Variants in ALMS1 observed in about 807,000 individuals in gnomAD.
The protein encoded by ALMS1 is ALMS1 centrosome and basal body associated protein.
ALMS1 carries 271 observed loss-of-function variants against 352.2 expected under a neutral mutation model. That is an observed-to-expected ratio of 0.77 (90% CI 0.70 to 0.85). The LOEUF is 0.85. Among genes scored for constraint, ALMS1 ranks in the 40% least tolerant of loss-of-function variants. The pLI, the probability that ALMS1 is intolerant of heterozygous loss-of-function variation, is 0.00. For synonymous variants in ALMS1, 1,865 were observed against 1,761.2 expected, an observed-to-expected ratio of 1.06 and a Z score of -1.48; for missense variants, 5,445 against 4,870.7, an observed-to-expected ratio of 1.12 and a Z score of -3.51.
At chr2:73,437,179 A>G (rs1325096784) in intron 7 of ALMS1, among the ~76,000 whole-genome samples, 1 of 151,714 alleles carries the variant, frequency 6.6e-6, no homozygotes, top group African/African-American at 2.4e-5. Flanking sequence ...CCTTATGGAG[A>G]TGTGTGGAGC....
At chr2:73,501,855 T>C (rs1056861260) in intron 10 of ALMS1, among the ~76,000 whole-genome samples, 2 of 152,256 alleles carry the variant, frequency 1.3e-5, no homozygotes, top group East Asian at 3.9e-4. Flanking sequence ...ATCAATTTTG[T>C]AGATTGACAT....
chr2:73,449,617 A>T lies in ALMS1; in HGVS notation c.3090A>T (p.Ser1030=), dbSNP rs1468645475. Residue 1030 remains serine, a synonymous_variant, in exon 8 of 23, where the codon TCA becomes TCT. Coordinates refer to ENST00000613296, the MANE Select transcript of ALMS1 (RefSeq NM_001378454.1). ...SYATEKALKV[S]TGPGPADQKT... ...CAACTGAAAAGGCTCTGAAAGTTTC[A>T]ACTGGCCCTGGACCAGCTGACCAGA... 1.2e-6 allele frequency: 2 copies of T among 1,614,102 alleles called. No individual in the cohort carries two copies. Among genetic ancestry groups the T allele is most frequent in the Non-Finnish European group, 1.7e-6 (2 of 1,179,982 alleles).
intron 14 of ALMS1, 39 bp downstream of exon 14, chr2:73,557,393 G>T (rs375539835): frequency 1.2e-6 from 2 of 1,613,168 alleles, no homozygotes; most frequent in Non-Finnish European, 1.7e-6. Flanking sequence ...TTTTCTTCTG[G>T]TCTTCTAAAA....
At chr2:73,386,307 T>G in intron 1 of ALMS1, 115 bp downstream of exon 1, 1 of 1,374,490 alleles carries the variant, frequency 7.3e-7, no homozygotes, top group Non-Finnish European at 9.5e-7. Context: ...CGCGCGCAGC[T>G]GAGGCTAGTA....
intron 9 of ALMS1, among the ~76,000 whole-genome samples, chr2:73,485,146 G>A (rs200254913): frequency 8.4e-3 from 1,028 of 122,932 alleles, no homozygotes; most frequent in South Asian, 0.014. Context: ...AGGAGGAGAG[G>A]TGCTCTGCTT....
In ALMS1 at chr2:73,572,984, G is replaced by T; in HGVS notation, c.11107G>T (p.Ala3703Ser). The change falls in exon 16 of 23, where the codon GCT becomes TCT. Residue 3703 changes from alanine (A) to serine (S), a missense_variant. Transcript: ENST00000613296. The stretch of plus-strand genomic sequence containing the variant: ...AAGCAAGGTGCTTTCTCATCATCGA[G>T]CTGGGAGGTCTAATCAAATTAAAAT... Reference protein sequence around the residue: ...KKSKVLSHHRAGRSNQIKIEQ... With the variant: ...KKSKVLSHHRSGRSNQIKIEQ... The T allele has an allele frequency of 8.7e-6, 14 of 1,614,092 alleles. No individual in the cohort carries two copies. Among genetic ancestry groups the T allele is most frequent in the Non-Finnish European group, 1.2e-5 (14 of 1,180,006 alleles).
rs111559461 is a variant in ALMS1 at position 73,474,403 on chromosome 2, G to GTA, written c.7675-15230_7675-15229insAT. Among the ~76,000 whole-genome samples the GTA allele has an allele frequency of 4.0e-5, 4 of 99,390 alleles. No individual in the cohort carries two copies. The East Asian group carries it at 1.3e-3, about 33-fold the overall frequency. 65.2% of individuals were successfully genotyped at this position (99,390 alleles called of 152,430 possible). ...TGTGTGTGTGTGTGTGTGTGTGTGT[G>GTA]TGTGTGTCTATTGGTTTACATGACG... On this transcript the variant is annotated intron_variant, in intron 9 of 22. Coordinates refer to ENST00000613296, the MANE Select transcript of ALMS1 (RefSeq NM_001378454.1).
At chr2:73,436,811 T>C (rs1026194277) in intron 7 of ALMS1, among the ~76,000 whole-genome samples, 3 of 152,246 alleles carry the variant, frequency 2.0e-5, no homozygotes, top group African/African-American at 4.8e-5. Context: ...AGCATCCTTT[T>C]CTTCCCTTTG....
intron 12 of ALMS1, among the ~76,000 whole-genome samples, chr2:73,546,032 T>C (rs1674310762): frequency 6.6e-6 from 1 of 152,182 alleles, no homozygotes; most frequent in Non-Finnish European, 1.5e-5. Context: ...AGTGCTATGT[T>C]ACAAGCTTGG....
intron 9 of ALMS1, among the ~76,000 whole-genome samples, chr2:73,480,785 G>A (rs1391676606): frequency 4.0e-5 from 6 of 150,962 alleles, no homozygotes; most frequent in Non-Finnish European, 4.4e-5. Context: ...GTGTGAGATG[G>A]TATCTCATTG....
At chr2:73,515,224 A>G (rs1673531023) in intron 10 of ALMS1, among the ~76,000 whole-genome samples, 1 of 152,130 alleles carries the variant, frequency 6.6e-6, no homozygotes, top group Admixed American at 6.5e-5. Context: ...CAGATTTTAG[A>G]TAATGTATTT....
intron 12 of ALMS1, among the ~76,000 whole-genome samples, chr2:73,543,521 C>T (rs1674240228): frequency 6.6e-6 from 1 of 152,130 alleles, no homozygotes; most frequent in South Asian, 2.1e-4. Context: ...CAAATGGGAT[C>T]TAATTAAACT....
chr2:73,575,279 G>C (rs752943428), intron 16 of ALMS1, among the ~76,000 whole-genome samples: 1 of 152,136 alleles, frequency 6.6e-6, no homozygotes, highest in African/African-American at 2.4e-5. Context: ...GAATGGAAAT[G>C]CTGGGCCATA....
intron 16 of ALMS1, among the ~76,000 whole-genome samples, chr2:73,578,595 T>G (rs190569022): frequency 5.9e-5 from 9 of 152,266 alleles, no homozygotes; most frequent in Admixed American, 4.6e-4. Context: ...CAGCCTGATA[T>G]GAAATAAAAC....
At chr2:73,526,766 T>C (rs933822225) in intron 11 of ALMS1, among the ~76,000 whole-genome samples, 8 of 152,288 alleles carry the variant, frequency 5.3e-5, no homozygotes, top group Admixed American at 2.6e-4. Context: ...TTTCTATCTT[T>C]CTCTTGTCTG....
chr2:73,556,596 C>T (rs1674546857), intron 13 of ALMS1, among the ~76,000 whole-genome samples: 1 of 149,140 alleles, frequency 6.7e-6, no homozygotes, highest in African/African-American at 2.5e-5. Context: ...GCATTGTTCA[C>T]ATCTTTTTTC....
intron 11 of ALMS1, among the ~76,000 whole-genome samples, chr2:73,528,252 A>G (rs773141192): frequency 7.9e-5 from 12 of 152,244 alleles, no homozygotes; most frequent in South Asian, 2.1e-4. Context: ...GTAAATATCT[A>G]TTAGGTCCAT....
Position 73,490,978 on chromosome 2 carries a change from A to G in ALMS1, c.9019A>G (p.Ile3007Val), listed in dbSNP as rs1036583684. ...KNNQHKPKSHISNINVEAKFN... is the reference protein window; with the variant it reads ...KNNQHKPKSHVSNINVEAKFN... The stretch of plus-strand genomic sequence containing the variant: ...TAATCAACATAAGCCTAAATCACAC[A>G]TTTCTAATATAAATGTTGAAGCCAA... The change falls in exon 10 of 23, where the codon ATT becomes GTT. Residue 3007 changes from isoleucine to valine, a missense_variant. Coordinates refer to ENST00000613296, the MANE Select transcript of ALMS1 (RefSeq NM_001378454.1). The G allele has an allele frequency of 6.2e-7, 1 of 1,614,238 alleles. No homozygotes were observed. The highest frequency in any genetic ancestry group is 1.3e-5 in the African/African-American group (1 of 75,070).
At chr2:73,543,408 A>G (rs1674237607) in intron 12 of ALMS1, among the ~76,000 whole-genome samples, 3 of 152,226 alleles carry the variant, frequency 2.0e-5, no homozygotes, top group Non-Finnish European at 1.5e-5. Flanking sequence ...AAAACCATAA[A>G]AACCCTAGAA....
Sources: allele counts gnomAD v4.1 joint callset (sites outside exome capture counted in the v4.1 genomes callset), GRCh38; gene constraint gnomAD v4.1.1; transcripts MANE v1.5; gene names NCBI Gene and HGNC (gene_info 2026-07-23, HGNC 2026-07-21).